POLE2: variants seen among roughly 807,000 people sequenced by gnomAD.
The protein encoded by POLE2 is DNA polymerase epsilon subunit 2.
Under a neutral mutation model 79.4 loss-of-function variants are expected in POLE2, and 56 were observed. The ratio of observed to expected loss-of-function variants is 0.71; its 90% CI spans 0.57 to 0.88. The LOEUF (loss-of-function observed/expected upper bound fraction) is 0.88. POLE2 is among the 40% of genes least tolerant of loss of function. The pLI is 0.00. For synonymous variants in POLE2, 212 were observed against 214.0 expected (o/e 0.99, Z 0.08); for missense variants, 598 against 638.9 (o/e 0.94, Z 0.69).
chr14:49,671,958 A>C (rs977490905), intron 5 of POLE2, among the ~76,000 whole-genome samples: 2 of 152,194 alleles, frequency 1.3e-5, no homozygotes, highest in Non-Finnish European at 2.9e-5. Context: ...TATATCAAAA[A>C]TAAAATAAAT....
intron 18 of POLE2, chr14:49,646,469 C>A (rs1003081810): frequency 6.6e-5 from 10 of 151,846 alleles, no homozygotes; most frequent in African/African-American, 2.4e-4. Flanking sequence ...ATTACAGGCA[C>A]ACGCCACCAC....
intron 1 of POLE2, among the ~76,000 whole-genome samples, chr14:49,685,789 G>GTTTTT (rs553198026): frequency 1.6e-3 from 225 of 144,278 alleles, no homozygotes; most frequent in African/African-American, 5.5e-3. Flanking sequence ...TGGCTGGTTG[G>GTTTTT]TTTTTTTTTT....
chr14:49,680,279 A>T (rs868365084), intron 2 of POLE2, among the ~76,000 whole-genome samples: 10 of 151,540 alleles, frequency 6.6e-5, no homozygotes, highest in African/African-American at 2.4e-4. Flanking sequence ...GAGCCCAGGG[A>T]GGTGGAGGCT....
intron 13 of POLE2, 168 bp from the exon 14 acceptor site, chr14:49,654,382 T>C (rs1314517163): frequency 1.7e-6 from 1 of 590,170 alleles, no homozygotes; most frequent in Admixed American, 3.4e-5. Context: ...TGTCTAGTAA[T>C]GTCATGATAG....
chr14:49,665,493 C>G (rs1286710458), intron 7 of POLE2, among the ~76,000 whole-genome samples: 1 of 152,174 alleles, frequency 6.6e-6, no homozygotes, highest in African/African-American at 2.4e-5. Context: ...CCAGGACATA[C>G]TCTGCAGCTT....
At chr14:49,649,564 C>T (rs1264775632) in intron 17 of POLE2, among the ~76,000 whole-genome samples, 2 of 152,022 alleles carry the variant, frequency 1.3e-5, no homozygotes, top group Non-Finnish European at 2.9e-5. Flanking sequence ...ATTCTCCTGC[C>T]TCAGCCTCCC....
chr14:49,655,399 C>G (rs1884581495), intron 11 of POLE2, among the ~76,000 whole-genome samples: 1 of 151,622 alleles, frequency 6.6e-6, no homozygotes, highest in Non-Finnish European at 1.5e-5. Flanking sequence ...GATGGGGTCT[C>G]ACTATGTTGT....
chr14:49,643,895 T>C, intron 18 of POLE2, among the ~76,000 whole-genome samples: 1 of 144,620 alleles, frequency 6.9e-6, no homozygotes, highest in East Asian at 2.0e-4. Context: ...TTTTTTTTTT[T>C]TCGAGAGGGA....
intron 6 of POLE2, among the ~76,000 whole-genome samples, chr14:49,668,284 A>G (rs1294371156): frequency 6.6e-6 from 1 of 151,848 alleles, no homozygotes; most frequent in Non-Finnish European, 1.5e-5. Flanking sequence ...AAAGGAAAGG[A>G]AAGGGAAGGA....
intron 6 of POLE2, among the ~76,000 whole-genome samples, chr14:49,667,429 A>G (rs1482444201): frequency 1.3e-5 from 2 of 152,196 alleles, no homozygotes; most frequent in Non-Finnish European, 2.9e-5. Context: ...TATATTATAC[A>G]TATGACCATT....
intron 3 of POLE2, chr14:49,677,237 G>A (rs993424142): frequency 1.3e-6 from 1 of 746,996 alleles, no homozygotes; most frequent in Non-Finnish European, 2.3e-6. Flanking sequence ...TACTGTCTGA[G>A]GGAGTAGGGT....
chr14:49,686,144 T>A (rs1887120082), intron 1 of POLE2, among the ~76,000 whole-genome samples: 1 of 152,238 alleles, frequency 6.6e-6, no homozygotes, highest in African/African-American at 2.4e-5. Context: ...TCCTGGTAGT[T>A]ACACCTATGT....
chr14:49,644,524 A>G (rs914998592), intron 18 of POLE2, among the ~76,000 whole-genome samples: 4 of 151,708 alleles, frequency 2.6e-5, no homozygotes, highest in Admixed American at 6.6e-5. Context: ...AAAAAAAAAA[A>G]GTATTCTAAT....
rs55817802 is a variant in POLE2 at position 49,679,783 on chromosome 14, C to T, written c.187G>A (p.Glu63Lys). 12 of 1,596,428 alleles carry T rather than the reference C, an allele frequency of 7.5e-6. No homozygotes were observed. In the East Asian group the frequency reaches 2.7e-4, roughly 36 times the overall value. Residue 63 changes from glutamate (E) to lysine (K), a missense_variant, in exon 3 of 19, where the codon GAA becomes AAA. Glu to Lys is a moderately conservative substitution (Grantham distance 56, BLOSUM62 1). Coordinates refer to ENST00000216367, the MANE Select transcript of POLE2 (RefSeq NM_002692.4). ...ACTGCTGCTTCCACCACAGATCGTT[C>T]AATCATGTTTGATGACACTGAAAAG... is the stretch of plus-strand genomic sequence containing the variant. ...EKQPLSSNMI[E>K]RSVVEAAVQE... is the part of the protein sequence containing the mutation.
At position 49,668,855 on chromosome 14, in the gene POLE2, C is replaced by T. The variant is rs45614134; in HGVS notation, c.492+669G>A. 9.9e-3 allele frequency among the ~76,000 whole-genome samples: 1,513 copies of T among 152,224 alleles called. 13 individuals carry two copies. Among genetic ancestry groups the T allele is most frequent in the Admixed American group, 0.013 (199 of 15,270 alleles). Reference sequence around the variant, plus strand: ...TTACACTGTCACCCAGGCTGGAGTACAGTGGCATGATCTCAGCTCACTGCA... The same window carrying T: ...TTACACTGTCACCCAGGCTGGAGTATAGTGGCATGATCTCAGCTCACTGCA... On this transcript the variant is annotated intron_variant, in intron 6 of 18. Transcript: ENST00000216367.
At chr14:49,646,063 G>C (rs1039201001) in intron 18 of POLE2, among the ~76,000 whole-genome samples, 2 of 152,198 alleles carry the variant, frequency 1.3e-5, no homozygotes, top group African/African-American at 4.8e-5. Context: ...ACAAAATCAA[G>C]TGCCCTCAGG....
At chr14:49,659,494 A>G (rs66901978) in intron 10 of POLE2, among the ~76,000 whole-genome samples, 33,589 of 152,128 alleles carry the variant, frequency 0.22, 3,957 homozygotes, top group Admixed American at 0.3. Context: ...TTTGTGTTTT[A>G]AGCTGTTTAT....
intron 2 of POLE2, among the ~76,000 whole-genome samples, chr14:49,680,901 G>C (rs559840046): frequency 6.6e-6 from 1 of 152,076 alleles, no homozygotes; most frequent in Non-Finnish European, 1.5e-5. Context: ...AAAATGCTGC[G>C]ATTACAGGCG....
chr14:49,646,301 G>GTT (rs1566522550), intron 18 of POLE2, among the ~76,000 whole-genome samples: 5 of 90,772 alleles, frequency 5.5e-5, no homozygotes, highest in African/African-American at 2.4e-4. Flanking sequence ...TTTTTTTGTT[G>GTT]GTTTTTTTTT....
Sources: gnomAD v4.1 joint callset for allele counts (sites outside exome capture counted in the v4.1 genomes callset) on GRCh38, gnomAD v4.1.1 for gene constraint, MANE v1.5 for transcripts, NCBI Gene and HGNC (gene_info 2026-07-23, HGNC 2026-07-21) for gene names.